The following DENND2B variants were observed in gnomAD, a reference collection of about 807,000 sequenced individuals.
The protein encoded by DENND2B is DENN domain-containing protein 2B.
DENND2B carries 32 observed loss-of-function variants against 116.0 expected under a neutral mutation model. That is an observed-to-expected ratio of 0.28 (90% CI 0.21 to 0.37). The LOEUF (loss-of-function observed/expected upper bound fraction) is 0.37. Ranked by LOEUF, DENND2B falls within the 10% of genes least tolerant of loss-of-function variation. The pLI is 1.00. For synonymous variants in DENND2B, 588 were observed against 583.9 expected, an observed-to-expected ratio of 1.01 and a Z score of -0.10; for missense variants, 1,276 against 1,477.7, an observed-to-expected ratio of 0.86 and a Z score of 2.24.
intron 1 of DENND2B, among the ~76,000 whole-genome samples, chr11:8,783,122 A>T (rs1403409957): frequency 1.4e-5 from 2 of 145,780 alleles, no homozygotes; most frequent in East Asian, 4.0e-4. Context: ...TGGCACAATC[A>T]CAGCTCAACA....
intron 3 of DENND2B, among the ~76,000 whole-genome samples, chr11:8,728,258 C>T (rs1242174353): frequency 6.6e-6 from 1 of 152,130 alleles, no homozygotes; most frequent in African/African-American, 2.4e-5. Flanking sequence ...CCACTTTAGC[C>T]TCCCAAAGTG....
intron 2 of DENND2B, among the ~76,000 whole-genome samples, chr11:8,750,229 A>G (rs1024687935): frequency 2.6e-5 from 4 of 152,238 alleles, no homozygotes; most frequent in African/African-American, 9.6e-5. Flanking sequence ...TGCTGCTTGG[A>G]GTTTGTGCTA....
chr11:8,776,192 C>T (rs1276873345), intron 1 of DENND2B: 1 of 374,322 alleles, frequency 2.7e-6, no homozygotes, highest in Non-Finnish European at 5.4e-6. Flanking sequence ...ACACACCTAC[C>T]TCTCTCCAGG....
intron 4 of DENND2B, among the ~76,000 whole-genome samples, chr11:8,815,797 A>C (rs2061549641): frequency 6.6e-6 from 1 of 152,210 alleles, no homozygotes; most frequent in African/African-American, 2.4e-5. Flanking sequence ...TATCCACTTT[A>C]GTATTTCATT....
chr11:8,805,031 C>CTATTAATCCTTAATAGT (rs2060718936), intron 1 of DENND2B, among the ~76,000 whole-genome samples: 5 of 152,282 alleles, frequency 3.3e-5, no homozygotes, highest in African/African-American at 1.2e-4. Flanking sequence ...TAATCCTTAC[C>CTATTAATCCTTAATAGT]ACAACTCTAT....
At chr11:8,727,112 ACCCTCT>A (rs1007161285) in intron 3 of DENND2B, among the ~76,000 whole-genome samples, 12 of 152,032 alleles carry the variant, frequency 7.9e-5, no homozygotes, top group African/African-American at 2.7e-4. Context: ...CCCCAACTGT[ACCCTCT>A]CCCTCTCCAA....
chr11:8,827,149 A>G (rs539054504), intron 4 of DENND2B, among the ~76,000 whole-genome samples: 2 of 152,304 alleles, frequency 1.3e-5, no homozygotes, highest in African/African-American at 4.8e-5. Flanking sequence ...AGAATTCAGA[A>G]AGCCTTTATT....
intron 3 of DENND2B, among the ~76,000 whole-genome samples, chr11:8,847,258 C>G (rs575687855): frequency 4.1e-4 from 62 of 152,308 alleles, no homozygotes; most frequent in Non-Finnish European, 7.2e-4. Flanking sequence ...TCCCTTCAAG[C>G]TAATCTTAAC....
Position 8,698,923 on chromosome 11 carries a change from A to C in DENND2B, c.2940+10T>G. 6.2e-7 allele frequency: 1 copy of C among 1,614,124 alleles called. No homozygotes were observed. The highest frequency in any genetic ancestry group is 8.5e-7 in the Non-Finnish European group (1 of 1,180,020). ...AGGAGCCCAACTCTAGCAAGCACCCACCCTCTTACCTGTCGGATGAATCGG... is the reference window on the plus strand; with the variant it reads ...AGGAGCCCAACTCTAGCAAGCACCCCCCCTCTTACCTGTCGGATGAATCGG... On this transcript the variant is annotated intron_variant, in intron 16 of 19. Coordinates refer to ENST00000313726, the MANE Select transcript of DENND2B (RefSeq NM_213618.2).
intron 18 of DENND2B, chr11:8,695,937 G>T: frequency 3.9e-6 from 1 of 253,880 alleles, no homozygotes; most frequent in Non-Finnish European, 7.4e-6. Context: ...CCTGAGGTTA[G>T]ACAGAAAAAT....
chr11:8,846,832 A>C (rs1239241794), intron 3 of DENND2B, among the ~76,000 whole-genome samples: 1 of 152,150 alleles, frequency 6.6e-6, no homozygotes, highest in Admixed American at 6.5e-5. Flanking sequence ...TTGTATTTTG[A>C]TATTAATCCT....
chr11:8,705,652 C>G (rs1380990319), intron 13 of DENND2B, among the ~76,000 whole-genome samples: 1 of 151,808 alleles, frequency 6.6e-6, no homozygotes, highest in Non-Finnish European at 1.5e-5. Flanking sequence ...TCCTCATTAC[C>G]TGCTTCTCCT....
chr11:8,767,666 C>T (rs1046028734), intron 1 of DENND2B, among the ~76,000 whole-genome samples: 4 of 152,094 alleles, frequency 2.6e-5, no homozygotes, highest in East Asian at 1.9e-4. Flanking sequence ...TCACTCATTC[C>T]GCAAGTATTT....
intron 1 of DENND2B, chr11:8,771,912 C>T (rs2056967174): frequency 6.6e-6 from 1 of 152,132 alleles, no homozygotes; most frequent in African/African-American, 2.4e-5. Flanking sequence ...GTGGAGCCCT[C>T]ATGGCCCAAT....
intron 4 of DENND2B, chr11:8,830,731 G>T (rs968879602): frequency 3.9e-5 from 6 of 152,178 alleles, no homozygotes; most frequent in African/African-American, 2.4e-5. Context: ...TCTGGTGGGG[G>T]AAAGAGCCCC....
rs2047913345 is a variant in DENND2B, at chr11:8,730,362, C to A, written c.928G>T (p.Val310Leu). The change falls in exon 3 of 20, where the codon GTG (valine) becomes TTG (leucine). Residue 310 changes from valine (V) to leucine (L), a missense_variant. Physicochemically the swap from Val to Leu is conservative, Grantham distance 32. Coordinates refer to ENST00000313726, the MANE Select transcript of DENND2B (RefSeq NM_213618.2). The surrounding 1 kb of genome is among the most constrained non-coding windows in gnomAD (Gnocchi z 4.1). Reference sequence around the variant, plus strand: ...CCAGTCTTCCTTTTCCCCCGGTCCACGCTGTAGCAGCTGCTGGGGAGCTGG... The same window carrying A: ...CCAGTCTTCCTTTTCCCCCGGTCCAAGCTGTAGCAGCTGCTGGGGAGCTGG... Reference protein sequence around the residue: ...LPQLPSSCYSVDRGKRKTGTL... With the variant: ...LPQLPSSCYSLDRGKRKTGTL... The A allele has an allele frequency of 6.2e-7, 1 of 1,603,318 alleles. No homozygotes were observed.
chr11:8,724,195 C>T (rs866421466), intron 4 of DENND2B, among the ~76,000 whole-genome samples: 8 of 152,134 alleles, frequency 5.3e-5, no homozygotes, highest in Middle Eastern at 3.4e-3. Flanking sequence ...GCTGGGAAGG[C>T]TGAGGCAGAA....
At chr11:8,763,376 C>T (rs573567661) in intron 1 of DENND2B, among the ~76,000 whole-genome samples, 1 of 152,094 alleles carries the variant, frequency 6.6e-6, no homozygotes, top group Admixed American at 6.6e-5. Flanking sequence ...CCCAGCAATT[C>T]CTTTCTTAGT....
intron 1 of DENND2B, among the ~76,000 whole-genome samples, chr11:8,807,304 C>T (rs1449728452): frequency 6.6e-6 from 1 of 152,206 alleles, no homozygotes; most frequent in Admixed American, 6.5e-5. Flanking sequence ...CTTCAGAAGG[C>T]CCAGGCCTCA....
Sources: gnomAD v4.1 joint callset for allele counts (sites outside exome capture counted in the v4.1 genomes callset) on GRCh38, gnomAD v4.1.1 for gene constraint, Gnocchi (gnomAD v3.1) non-coding constraint, MANE v1.5 for transcripts, NCBI Gene and HGNC (gene_info 2026-07-23, HGNC 2026-07-21) for gene names.